Variants in MMUT observed in about 807,000 individuals in gnomAD.
MMUT encodes methylmalonyl-CoA mutase, also known as methylmalonyl-CoA mutase, mitochondrial.
Under a neutral mutation model 79.9 loss-of-function variants are expected in MMUT, and 79 were observed. That is an observed-to-expected ratio of 0.99 (90% CI 0.82 to 1.19). MMUT has a LOEUF of 1.19. Ranked by LOEUF, MMUT falls within the 50% of genes most tolerant of loss-of-function variation. The pLI is 0.00. For missense variants in MMUT, 860 were observed against 917.2 expected (o/e 0.94, Z 0.81); for synonymous variants, 273 against 295.7 (o/e 0.92, Z 0.79).
At chr6:49,438,859 G>A (rs375915121) in intron 11 of MMUT, among the ~76,000 whole-genome samples, 12 of 152,182 alleles carry the variant, frequency 7.9e-5, no homozygotes, top group African/African-American at 2.2e-4. Context: ...TCTTTCTCCC[G>A]TGGTGGATGC....
chr6:49,450,494 G>A (rs1447008369), intron 6 of MMUT, among the ~76,000 whole-genome samples: 1 of 151,906 alleles, frequency 6.6e-6, no homozygotes, highest in Non-Finnish European at 1.5e-5. Flanking sequence ...ATAAAGAAGA[G>A]GTCCCAATAC....
intron 11 of MMUT, among the ~76,000 whole-genome samples, chr6:49,438,545 T>C (rs1021189755): frequency 6.6e-6 from 1 of 152,230 alleles, no homozygotes; most frequent in Admixed American, 6.5e-5. Context: ...AGTTCTGAAC[T>C]GACACTTTTA....
rs755382704 is a variant in MMUT at position 49,440,224 on chromosome 6, G to A, written c.1938C>T (p.Asp646=). The change falls in exon 11 of 13, where the codon GAC becomes GAT. Residue 646 remains aspartate, a synonymous_variant. Transcript: ENST00000274813. ...TTAGTACCTGGAAAAGAGGGCCTAT[G>A]TCCACATCAAAACCAAGATCAGCAA... ...TGFADLGFDV[D]IGPLFQTPRE... The A allele has an allele frequency of 9.3e-6, 15 of 1,614,060 alleles. No individual in the cohort carries two copies. Among genetic ancestry groups the A allele is most frequent in the Middle Eastern group, 1.6e-4 (1 of 6,062 alleles).
intron 1 of MMUT, among the ~76,000 whole-genome samples, chr6:49,461,041 CGTAA>C (rs1767827069): frequency 1.3e-5 from 2 of 152,136 alleles, no homozygotes; most frequent in South Asian, 2.1e-4. Flanking sequence ...TTAGGAAAAT[CGTAA>C]GTATCTCATA....
intron 3 of MMUT, among the ~76,000 whole-genome samples, 153 bp from the exon 4 acceptor site, chr6:49,456,390 T>A (rs992854743): frequency 6.6e-6 from 1 of 152,232 alleles, no homozygotes; most frequent in African/African-American, 2.4e-5. Context: ...TAATGCTTAT[T>A]TGTTACATTT....
At position 49,440,195 on chromosome 6, in the gene MMUT, G is replaced by A; in HGVS notation, c.1956+11C>T. The A allele has an allele frequency of 6.2e-7, 1 of 1,613,858 alleles. No homozygotes were observed. The highest frequency in any genetic ancestry group is 1.6e-4 in the Middle Eastern group (1 of 6,062). ...AATACTTTTGAAATTCCCCCCAACAGTTTTTAGTACCTGGAAAAGAGGGCC... is the reference window on the plus strand; with the variant it reads ...AATACTTTTGAAATTCCCCCCAACAATTTTTAGTACCTGGAAAAGAGGGCC... On this transcript the variant is annotated intron_variant, in intron 11 of 12. Coordinates refer to ENST00000274813, the MANE Select transcript of MMUT (RefSeq NM_000255.4).
intron 12 of MMUT, among the ~76,000 whole-genome samples, chr6:49,433,005 T>A (rs1371991209): frequency 6.6e-6 from 1 of 152,222 alleles, no homozygotes; most frequent in Admixed American, 6.5e-5. Flanking sequence ...ATTCTTATAA[T>A]ACTATAATAT....
chr6:49,456,499 A>G (rs1767694701), intron 3 of MMUT, among the ~76,000 whole-genome samples: 1 of 152,184 alleles, frequency 6.6e-6, no homozygotes, highest in East Asian at 1.9e-4. Flanking sequence ...AACCATTCTG[A>G]AAGTTTAAAT....
Position 49,431,666 on chromosome 6 carries a change from C to A in MMUT, c.*62G>T. The A allele has an allele frequency of 6.5e-7, 1 of 1,537,726 alleles. No homozygotes were observed. Among genetic ancestry groups the A allele is most frequent in the Non-Finnish European group, 9.0e-7 (1 of 1,114,832 alleles). On this transcript the variant is annotated 3_prime_UTR_variant, in exon 13 of 13. Transcript: ENST00000274813. ...AAATTAAATTGAAGACATAGCTTTA[C>A]TCTCTTCTTTGATCATAACTAAAAT...
At chr6:49,447,634 T>G (rs1581826971) in intron 8 of MMUT, 36 bp downstream of exon 8, 1 of 1,143,484 alleles carries the variant, frequency 8.7e-7, no homozygotes. Flanking sequence ...ACACAGAAAA[T>G]ACTTAAAAAA....
Position 49,430,409 on chromosome 6 carries a change from G to A in MMUT, c.*1319C>T, listed in dbSNP as rs541645779. The A allele has an allele frequency of 2.6e-5, 4 of 152,164 alleles. No homozygotes were observed. The highest frequency in any genetic ancestry group is 4.2e-4 in the South Asian group (2 of 4,818). 9.4% of individuals were successfully genotyped at this position (152,164 alleles called of 1,614,324 possible). ...TTCACATGTCACCCAGCACGCAACTGAACACATCACAGAAACCAAATACTT... is the reference window on the plus strand; with the variant it reads ...TTCACATGTCACCCAGCACGCAACTAAACACATCACAGAAACCAAATACTT... On this transcript the variant is annotated 3_prime_UTR_variant, in exon 13 of 13. Coordinates refer to ENST00000274813, the MANE Select transcript of MMUT (RefSeq NM_000255.4).
chr6:49,441,368 A>G (rs1397122651), intron 10 of MMUT, among the ~76,000 whole-genome samples: 3 of 152,038 alleles, frequency 2.0e-5, no homozygotes, highest in Non-Finnish European at 4.4e-5. Flanking sequence ...TGAAAAATGT[A>G]AACAACTTCA....
intron 1 of MMUT, among the ~76,000 whole-genome samples, chr6:49,461,066 A>C (rs1444974912): frequency 1.3e-5 from 2 of 152,226 alleles, no homozygotes; most frequent in Non-Finnish European, 2.9e-5. Flanking sequence ...ACATATGAAT[A>C]AGTGAATTAC....
In MMUT at chr6:49,456,026, A is replaced by G; in HGVS notation, c.911+54T>C. ...TAAATTCATTTTATCAATATATAAA[A>G]TGGTCCTATGCATTTCTTAATGTTG... On this transcript the variant is annotated intron_variant, in intron 4 of 12. Coordinates refer to ENST00000274813, the MANE Select transcript of MMUT (RefSeq NM_000255.4). 5 of 1,385,948 alleles carry G rather than the reference A, an allele frequency of 3.6e-6. 1 individual carries two copies. In the East Asian group the frequency reaches 7.0e-5, roughly 19 times the overall value. The allele number at this position is 1,385,948 out of a possible 1,614,324, so 85.9% of individuals were successfully genotyped here.
At chr6:49,449,095 ATTTGTGTGT>A (rs1767486130) in intron 6 of MMUT, among the ~76,000 whole-genome samples, 168 bp from the exon 7 acceptor site, 2 of 152,208 alleles carry the variant, frequency 1.3e-5, no homozygotes, top group South Asian at 4.1e-4. Context: ...ATTAATTAGA[ATTTGTGTGT>A]TTATAGTTAC....
In MMUT at chr6:49,451,666, C is replaced by A. The variant is rs1166666815; in HGVS notation, c.1132G>T (p.Val378Leu). ...VRTAIEAMAA[V>L]FGGTQSLHTN... is the part of the protein sequence containing the mutation. ...TGCAAAGACTGAGTCCCTCCAAATACTGCTGCCATTGCTTCTATTGCAGTA... is the reference window on the plus strand; with the variant it reads ...TGCAAAGACTGAGTCCCTCCAAATAATGCTGCCATTGCTTCTATTGCAGTA... Residue 378 changes from valine to leucine, a missense_variant, in exon 6 of 13, where the codon GTA (valine) becomes TTA (leucine). By Grantham distance (32) the Val-to-Leu change is conservative (BLOSUM62 1). Coordinates refer to ENST00000274813, the MANE Select transcript of MMUT (RefSeq NM_000255.4). The A allele has an allele frequency of 2.5e-6, 4 of 1,613,940 alleles. No homozygotes were observed. Among genetic ancestry groups the A allele is most frequent in the South Asian group, 2.2e-5 (2 of 91,084 alleles).
At chr6:49,445,758 T>G (rs1767396784) in intron 8 of MMUT, among the ~76,000 whole-genome samples, 1 of 152,008 alleles carries the variant, frequency 6.6e-6, no homozygotes, top group Non-Finnish European at 1.5e-5. Context: ...CTCAAATATC[T>G]TCAATTCATT....
intron 8 of MMUT, among the ~76,000 whole-genome samples, chr6:49,445,828 A>G (rs1182187869): frequency 6.6e-6 from 1 of 152,052 alleles, no homozygotes; most frequent in African/African-American, 2.4e-5. Flanking sequence ...TATTTAGAGC[A>G]AGAAAAAACT....
intron 4 of MMUT, among the ~76,000 whole-genome samples, chr6:49,455,315 C>T (rs2127419172): frequency 6.6e-6 from 1 of 152,144 alleles, no homozygotes. Flanking sequence ...GTGAAAAAGG[C>T]AAATAAAGCT....
Sources: gnomAD v4.1 joint callset for allele counts (sites outside exome capture counted in the v4.1 genomes callset) on GRCh38, gnomAD v4.1.1 for gene constraint, MANE v1.5 for transcripts, NCBI Gene and HGNC (gene_info 2026-07-23, HGNC 2026-07-21) for gene names.